The following CTNND2 variants were observed in gnomAD, a reference collection of about 807,000 sequenced individuals.
CTNND2 encodes the protein catenin delta-2.
CTNND2 carries 22 observed loss-of-function variants against 144.4 expected under a neutral mutation model. That is an observed-to-expected ratio of 0.15 (90% CI 0.11 to 0.22). CTNND2 has a LOEUF of 0.22. CTNND2 is among the 10% of genes least tolerant of loss of function. The pLI, the probability that CTNND2 is intolerant of heterozygous loss-of-function variation, is 1.00. For missense variants in CTNND2, 1,353 were observed against 1,618.8 expected (o/e 0.84, Z 2.82); for synonymous variants, 751 against 695.6 (o/e 1.08, Z -1.25).
intron 1 of CTNND2, among the ~76,000 whole-genome samples, chr5:11,818,058 T>TAGA (rs1793104729): frequency 7.2e-6 from 1 of 139,666 alleles, no homozygotes; most frequent in Non-Finnish European, 1.5e-5. Flanking sequence ...TTTCAGAGCA[T>TAGA]AGAAGTGACG....
chr5:11,133,529 C>G (rs906941405), intron 12 of CTNND2, among the ~76,000 whole-genome samples: 9 of 151,580 alleles, frequency 5.9e-5, no homozygotes, highest in Non-Finnish European at 1.3e-4. Context: ...ATTTTGTATT[C>G]TTAGTAGTGA....
chr5:11,552,713 C>T (rs941181481), intron 3 of CTNND2, among the ~76,000 whole-genome samples: 7 of 152,162 alleles, frequency 4.6e-5, no homozygotes, highest in African/African-American at 7.2e-5. Flanking sequence ...CTTTTCCATC[C>T]GAATAATCTG....
intron 12 of CTNND2, among the ~76,000 whole-genome samples, chr5:11,150,102 A>T (rs1379962948): frequency 6.6e-6 from 1 of 152,158 alleles, no homozygotes; most frequent in Non-Finnish European, 1.5e-5. Flanking sequence ...GCAAGTGCTA[A>T]TTCTCTCTGC....
At chr5:11,879,335 ATGTG>A (rs141467104) in intron 1 of CTNND2, among the ~76,000 whole-genome samples, 2 of 56,204 alleles carry the variant, frequency 3.6e-5, no homozygotes, top group African/African-American at 5.1e-5. Context: ...AAAAAATTAA[ATGTG>A]TGTATATATA....
At chr5:11,316,906 T>G (rs550514471) in intron 9 of CTNND2, among the ~76,000 whole-genome samples, 2 of 152,172 alleles carry the variant, frequency 1.3e-5, no homozygotes, top group East Asian at 3.9e-4. Flanking sequence ...GACATTTGGG[T>G]TGGTTCCAAG....
intron 1 of CTNND2, among the ~76,000 whole-genome samples, chr5:11,857,549 A>G (rs577073056): frequency 1.8e-4 from 27 of 152,278 alleles, no homozygotes; most frequent in African/African-American, 6.0e-4. Context: ...GAGGCCTGCA[A>G]ATCTTGTCAT....
chr5:11,187,135 C>T (rs1735713843), intron 11 of CTNND2, among the ~76,000 whole-genome samples: 1 of 152,164 alleles, frequency 6.6e-6, no homozygotes, highest in Admixed American at 6.5e-5. Flanking sequence ...AAGTCCTACT[C>T]TGTGACAAAG....
intron 16 of CTNND2, among the ~76,000 whole-genome samples, chr5:11,070,775 G>A (rs1044450499): frequency 6.6e-6 from 1 of 152,164 alleles, no homozygotes; most frequent in Non-Finnish European, 1.5e-5. Flanking sequence ...ATGACACAAA[G>A]CTGAGAGAAT....
intron 1 of CTNND2, among the ~76,000 whole-genome samples, chr5:11,749,614 T>C (rs978456196): frequency 6.6e-6 from 1 of 152,052 alleles, no homozygotes; most frequent in African/African-American, 2.4e-5. Flanking sequence ...AATCATGATT[T>C]CACAGTACAT....
At chr5:11,886,980 T>C (rs6880424) in intron 1 of CTNND2, among the ~76,000 whole-genome samples, 31 of 130,708 alleles carry the variant, frequency 2.4e-4, no homozygotes, top group African/African-American at 7.5e-4. Context: ...TACTGCTTTT[T>C]TTTTTTTTTT....
At chr5:11,027,862 G>A (rs1222367549) in intron 16 of CTNND2, among the ~76,000 whole-genome samples, 1 of 152,178 alleles carries the variant, frequency 6.6e-6, no homozygotes, top group African/African-American at 2.4e-5. Context: ...AGGAGCTGGT[G>A]GGGATTTCAT....
At chr5:11,030,766 T>G (rs1442135703) in intron 16 of CTNND2, among the ~76,000 whole-genome samples, 1 of 150,984 alleles carries the variant, frequency 6.6e-6, no homozygotes, top group East Asian at 1.9e-4. Context: ...TTTTTTTTTT[T>G]TTTTTTTTTA....
At chr5:11,479,195 C>A (rs1030218251) in intron 3 of CTNND2, among the ~76,000 whole-genome samples, 1 of 152,076 alleles carries the variant, frequency 6.6e-6, no homozygotes, top group African/African-American at 2.4e-5. Context: ...TTCCCCTCTT[C>A]GTGTCCATGT....
chr5:11,034,962 G>A (rs1275648083), intron 16 of CTNND2, among the ~76,000 whole-genome samples: 5 of 151,104 alleles, frequency 3.3e-5, no homozygotes, highest in African/African-American at 9.7e-5. Context: ...ATGCTGGTGC[G>A]CTGCACCCAC....
chr5:11,454,600 CT>C (rs574100913), intron 3 of CTNND2, among the ~76,000 whole-genome samples: 19,381 of 144,988 alleles, frequency 0.13, 3,834 homozygotes, highest in African/African-American at 0.44. Flanking sequence ...GTTTTTTTTC[CT>C]TTTTTTTTTT....
intron 1 of CTNND2, among the ~76,000 whole-genome samples, chr5:11,781,055 C>T (rs1440790890): frequency 6.6e-6 from 1 of 152,192 alleles, no homozygotes; most frequent in Non-Finnish European, 1.5e-5. Flanking sequence ...TTTAAAGGCA[C>T]TGCTTTAGTG....
rs1252149856 is a variant in CTNND2 at position 11,279,440 on chromosome 5, C to G, written c.1629-42617G>C. On this transcript the variant is annotated intron_variant, in intron 9 of 21. Coordinates refer to ENST00000304623, the MANE Select transcript of CTNND2 (RefSeq NM_001332.4). ...TTCTCATCCCTGCACCCCTCTGGTG[C>G]CCCATCATCTCTGTTCCATATTACT... is the stretch of plus-strand genomic sequence containing the variant. Among the ~76,000 whole-genome samples the G allele has an allele frequency of 7.9e-5, 12 of 152,240 alleles. No individual in the cohort carries two copies. In the South Asian group the frequency reaches 1.2e-3, roughly 16 times the overall value.
intron 14 of CTNND2, among the ~76,000 whole-genome samples, chr5:11,105,259 A>G (rs1357591900): frequency 6.6e-6 from 1 of 152,250 alleles, no homozygotes; most frequent in Non-Finnish European, 1.5e-5. Flanking sequence ...AACCTCCTTC[A>G]GATAATCCTG....
chr5:11,281,575 A>T (rs1028895391), intron 9 of CTNND2, among the ~76,000 whole-genome samples: 2 of 152,240 alleles, frequency 1.3e-5, no homozygotes, highest in South Asian at 2.1e-4. Context: ...AAAATATCAC[A>T]GACTAGGTGG....
Sources: gnomAD v4.1 joint callset for allele counts (sites outside exome capture counted in the v4.1 genomes callset) on GRCh38, gnomAD v4.1.1 for gene constraint, MANE v1.5 for transcripts, NCBI Gene and HGNC (gene_info 2026-07-23, HGNC 2026-07-21) for gene names.